The following KCNIP4 variants were observed in gnomAD, a reference collection of about 807,000 sequenced individuals.
The protein encoded by KCNIP4 is potassium voltage-gated channel interacting protein 4, also known as Kv channel-interacting protein 4.
A neutral mutation model predicts 34.0 loss-of-function variants in KCNIP4; 12 were observed. The ratio of observed to expected loss-of-function variants is 0.35; its 90% CI spans 0.23 to 0.57. KCNIP4 has a LOEUF of 0.57. Among genes scored for constraint, KCNIP4 ranks in the 20% least tolerant of loss-of-function variants. The pLI is 0.83. For missense variants in KCNIP4, 238 were observed against 311.7 expected, an observed-to-expected ratio of 0.76 and a Z score of 1.78; for synonymous variants, 124 against 102.2, an observed-to-expected ratio of 1.21 and a Z score of -1.29.
intron 2 of KCNIP4, among the ~76,000 whole-genome samples, chr4:20,875,799 C>T (rs1024665381): frequency 6.6e-6 from 1 of 152,048 alleles, no homozygotes; most frequent in Non-Finnish European, 1.5e-5. Context: ...TTTTTGCAAA[C>T]AAATCCTCCA....
At chr4:21,131,469 G>A (rs996125588) in intron 1 of KCNIP4, among the ~76,000 whole-genome samples, 5 of 152,082 alleles carry the variant, frequency 3.3e-5, no homozygotes, top group African/African-American at 7.2e-5. Context: ...AATTAGCTGG[G>A]CATGCTGGCG....
chr4:21,531,187 A>G (rs1418457733), intron 1 of KCNIP4, among the ~76,000 whole-genome samples: 2 of 152,186 alleles, frequency 1.3e-5, no homozygotes, highest in Admixed American at 6.5e-5. Context: ...TAGGCTTCCA[A>G]GTGAAAACCA....
chr4:21,907,251 C>T (rs149930592), intron 1 of KCNIP4, among the ~76,000 whole-genome samples: 2 of 152,204 alleles, frequency 1.3e-5, no homozygotes, highest in African/African-American at 4.8e-5. Context: ...TCTTGCAGGA[C>T]TAACTCCGTT....
At chr4:21,348,576 C>T (rs1032950683) in intron 1 of KCNIP4, among the ~76,000 whole-genome samples, 1 of 152,192 alleles carries the variant, frequency 6.6e-6, no homozygotes, top group Non-Finnish European at 1.5e-5. Context: ...CTTCAGCTAA[C>T]TCATTCCAAC....
chr4:21,274,749 C>T (rs898722990), intron 1 of KCNIP4, among the ~76,000 whole-genome samples: 24 of 152,228 alleles, frequency 1.6e-4, no homozygotes, highest in Middle Eastern at 3.4e-3. Flanking sequence ...AATATTTCAT[C>T]GAGAGTTTTA....
chr4:21,172,001 A>G (rs185758244), intron 1 of KCNIP4, among the ~76,000 whole-genome samples: 2 of 152,114 alleles, frequency 1.3e-5, no homozygotes, highest in Non-Finnish European at 2.9e-5. Flanking sequence ...AGCACTTACC[A>G]TGTAACAGGC....
intron 1 of KCNIP4, among the ~76,000 whole-genome samples, chr4:21,818,221 C>G (rs1041110545): frequency 1.6e-4 from 25 of 152,150 alleles, no homozygotes; most frequent in Non-Finnish European, 3.5e-4. Flanking sequence ...TAGAAAGAAC[C>G]TACATTGAAA....
chr4:20,731,019 T>C (rs986933187), intron 8 of KCNIP4, among the ~76,000 whole-genome samples: 1 of 152,162 alleles, frequency 6.6e-6, no homozygotes, highest in Non-Finnish European at 1.5e-5. Flanking sequence ...AATTTAAAAA[T>C]AAAGAGAAAA....
At position 21,710,478 on chromosome 4, in the gene KCNIP4, A is replaced by G. The variant is rs1183065685; in HGVS notation, c.61+238093T>C. On this transcript the variant is annotated intron_variant, in intron 1 of 8. Coordinates refer to ENST00000382152, the MANE Select transcript of KCNIP4 (RefSeq NM_025221.6). ...TACTAACTGCGTACTGTAACCGAAA[A>G]CCACCTAATGCAGTTTTCATGTTAC... 2.0e-5 allele frequency among the ~76,000 whole-genome samples: 3 copies of G among 152,196 alleles called. No individual in the cohort carries two copies. In the East Asian group the frequency reaches 5.8e-4, roughly 29 times the overall value.
chr4:21,747,084 G>A (rs1294687727), intron 1 of KCNIP4, among the ~76,000 whole-genome samples: 1 of 152,120 alleles, frequency 6.6e-6, no homozygotes, highest in African/African-American at 2.4e-5. Context: ...CAACAGGTCA[G>A]CTTCTTACTT....
chr4:21,177,011 C>T (rs1754461919), intron 1 of KCNIP4, among the ~76,000 whole-genome samples: 1 of 152,188 alleles, frequency 6.6e-6, no homozygotes, highest in African/African-American at 2.4e-5. Flanking sequence ...TTTCATTAAA[C>T]AGGATCTACT....
At chr4:20,925,378 TC>T (rs1277161829) in intron 1 of KCNIP4, among the ~76,000 whole-genome samples, 1 of 152,052 alleles carries the variant, frequency 6.6e-6, no homozygotes, top group Non-Finnish European at 1.5e-5. Flanking sequence ...AACTTGCTCA[TC>T]AAACAGGTTG....
At chr4:20,866,011 A>T (rs1722841374) in intron 2 of KCNIP4, among the ~76,000 whole-genome samples, 1 of 152,050 alleles carries the variant, frequency 6.6e-6, no homozygotes, top group African/African-American at 2.4e-5. Context: ...TGAGTCAGTA[A>T]TAAAGAACCT....
chr4:21,551,795 A>G (rs979418794), intron 1 of KCNIP4, among the ~76,000 whole-genome samples: 1 of 152,094 alleles, frequency 6.6e-6, no homozygotes, highest in Admixed American at 6.6e-5. Flanking sequence ...GCACTATACT[A>G]AATGCCAATG....
intron 1 of KCNIP4, among the ~76,000 whole-genome samples, chr4:21,863,484 A>G (rs891050658): frequency 7.6e-6 from 1 of 130,726 alleles, no homozygotes; most frequent in Non-Finnish European, 1.8e-5. Context: ...AGTAAGGACA[A>G]TCAGTGCCCT....
At chr4:21,894,052 C>A (rs1727249029) in intron 1 of KCNIP4, among the ~76,000 whole-genome samples, 1 of 151,960 alleles carries the variant, frequency 6.6e-6, no homozygotes, top group African/African-American at 2.4e-5. Flanking sequence ...AACAATGAGG[C>A]CAGGCAGGGT....
At chr4:20,937,222 CTTTTTTTTTTTTTTTTTTTTT>C (rs397992488) in intron 1 of KCNIP4, among the ~76,000 whole-genome samples, 1 of 45,524 alleles carries the variant, frequency 2.2e-5, no homozygotes, top group Non-Finnish European at 4.3e-5. Context: ...CCCAAGGAGT[CTTTTTTTTTTTTTTTTTTTTT>C]TTTTTTTTTG....
chr4:21,501,248 T>TCTCACACACACA (rs764571152), intron 1 of KCNIP4, among the ~76,000 whole-genome samples: 90 of 104,292 alleles, frequency 8.6e-4, no homozygotes, highest in African/African-American at 2.8e-3. Context: ...TCTCTCTCTC[T>TCTCACACACACA]CACACACACA....
chr4:21,729,980 T>TATCACTGTTCAATCAACAGTGATTGAAGA (rs1715473274), intron 1 of KCNIP4: 1 of 132,540 alleles, frequency 7.5e-6, no homozygotes, highest in Non-Finnish European at 1.6e-5. Context: ...TGCTTCCCAA[T>TATCACTGTTCAATCAACAGTGATTGAAGA]ATCACTGTTC....
Sources: gnomAD v4.1 joint callset for allele counts (sites outside exome capture counted in the v4.1 genomes callset) on GRCh38, gnomAD v4.1.1 for gene constraint, MANE v1.5 for transcripts, NCBI Gene and HGNC (gene_info 2026-07-23, HGNC 2026-07-21) for gene names.